The following ZNF385D variants were observed in gnomAD, a reference collection of about 807,000 sequenced individuals.
The protein encoded by ZNF385D is zinc finger protein 385D.
Under a neutral mutation model 35.8 loss-of-function variants are expected in ZNF385D, and 15 were observed. That is an observed-to-expected ratio of 0.42 (90% CI 0.28 to 0.64). ZNF385D has a LOEUF of 0.64. ZNF385D is among the 30% of genes least tolerant of loss of function. ZNF385D has a pLI of 0.23. For missense variants in ZNF385D, 474 were observed against 494.6 expected (o/e 0.96, Z 0.39); for synonymous variants, 212 against 186.8 (o/e 1.13, Z -1.10).
chr3:22,025,602 A>G (rs925874823), intron 3 of ZNF385D, among the ~76,000 whole-genome samples: 2 of 152,180 alleles, frequency 1.3e-5, no homozygotes, highest in African/African-American at 4.8e-5. Context: ...GGGAGTTTAA[A>G]AAGGTTCTAA....
chr3:21,611,504 T>G (rs1445748056), intron 2 of ZNF385D, among the ~76,000 whole-genome samples: 1 of 152,222 alleles, frequency 6.6e-6, no homozygotes, highest in Non-Finnish European at 1.5e-5. Context: ...AGTCTTAATC[T>G]TGGCTGATCT....
chr3:21,966,368 T>C (rs1365841067), intron 3 of ZNF385D, among the ~76,000 whole-genome samples: 1 of 152,196 alleles, frequency 6.6e-6, no homozygotes. Context: ...TTCACCTTCA[T>C]TTCCTACCAT....
At chr3:21,615,000 C>A (rs1188862200) in intron 2 of ZNF385D, among the ~76,000 whole-genome samples, 2 of 152,184 alleles carry the variant, frequency 1.3e-5, no homozygotes. Flanking sequence ...CATCTGCCAA[C>A]AAAACCTCCC....
intron 3 of ZNF385D, among the ~76,000 whole-genome samples, chr3:21,947,964 T>C (rs945448401): frequency 6.6e-6 from 1 of 152,176 alleles, no homozygotes; most frequent in Non-Finnish European, 1.5e-5. Context: ...AATTAGTTCT[T>C]TGTTCTGATG....
At chr3:21,689,443 T>C (rs549307753) in intron 1 of ZNF385D, among the ~76,000 whole-genome samples, 3 of 152,104 alleles carry the variant, frequency 2.0e-5, no homozygotes, top group African/African-American at 7.2e-5. Flanking sequence ...TGCAGATTGA[T>C]TGGGGGTCTT....
At chr3:22,372,657 A>G (rs1322691392) in exon 2 of ZNF385D, 2 of 234,142 alleles carry the variant, frequency 8.5e-6, no homozygotes, top group Non-Finnish European at 1.4e-5. Flanking sequence ...GCGGCGGCCA[A>G]GGAGAACGGT....
chr3:21,960,022 C>CAAAAAAAA (rs34894053), intron 3 of ZNF385D, among the ~76,000 whole-genome samples: 2 of 114,624 alleles, frequency 1.7e-5, no homozygotes, highest in Non-Finnish European at 1.8e-5. Flanking sequence ...GCACAGCCTC[C>CAAAAAAAA]AAAAAAAAAA....
intron 3 of ZNF385D, among the ~76,000 whole-genome samples, chr3:22,082,272 G>A (rs563618248): frequency 6.6e-6 from 1 of 152,060 alleles, no homozygotes; most frequent in Non-Finnish European, 1.5e-5. Flanking sequence ...GTAAGTGCAA[G>A]GGGTCAGGGA....
chr3:22,208,881 C>T (rs1697333470), intron 2 of ZNF385D, among the ~76,000 whole-genome samples: 1 of 151,778 alleles, frequency 6.6e-6, no homozygotes, highest in South Asian at 2.1e-4. Context: ...GAAAAGGCTC[C>T]TAGAAAATCA....
chr3:21,595,152 T>TA (rs1216095357), intron 2 of ZNF385D, among the ~76,000 whole-genome samples: 1 of 152,152 alleles, frequency 6.6e-6, no homozygotes, highest in African/African-American at 2.4e-5. Flanking sequence ...TTTTATCAGA[T>TA]ATCCATCAGA....
In ZNF385D at chr3:21,667,032, G is replaced by A. The variant is rs188621150; in HGVS notation, c.23-2004C>T. 6.4e-3 allele frequency among the ~76,000 whole-genome samples: 976 copies of A among 152,218 alleles called. 7 individuals are homozygous for A. The highest frequency in any genetic ancestry group is 0.023 in the African/African-American group (939 of 41,528). Reference sequence around the variant, plus strand: ...GCAGAGGTTGCAGTAAGCCGAGATCGCACCACTGTACTTCAGCCTGGGCGA... The same window carrying A: ...GCAGAGGTTGCAGTAAGCCGAGATCACACCACTGTACTTCAGCCTGGGCGA... On this transcript the variant is annotated intron_variant, in intron 1 of 7. Transcript: ENST00000281523.
chr3:22,203,814 C>A (rs185334828), intron 2 of ZNF385D, among the ~76,000 whole-genome samples: 45 of 152,090 alleles, frequency 3.0e-4, no homozygotes, highest in African/African-American at 1.0e-3. Context: ...TTAGCTCAGT[C>A]GCAGTAGAAT....
intron 3 of ZNF385D, among the ~76,000 whole-genome samples, chr3:21,939,522 C>T (rs1334632705): frequency 6.6e-6 from 1 of 152,062 alleles, no homozygotes; most frequent in Non-Finnish European, 1.5e-5. Flanking sequence ...TTATAAGTTG[C>T]ATTGTATTTT....
rs1700578997 is a variant in ZNF385D at position 21,417,518 on chromosome 3, T to C, written c.*3696A>G. The C allele has an allele frequency of 6.6e-6, 1 of 152,148 alleles. No homozygotes were observed. The allele number at this position is 152,148 out of a possible 1,614,324, so 9.4% of individuals were successfully genotyped here. A position where few individuals can be genotyped will look rare whatever the true frequency, so the allele number is the denominator to read the frequency against. ...AAACAGGCCTATATACCACTTCAGTTACCTTTTAGCTTTCTGATCTGATTT... is the reference window on the plus strand; with the variant it reads ...AAACAGGCCTATATACCACTTCAGTCACCTTTTAGCTTTCTGATCTGATTT... On this transcript the variant is annotated 3_prime_UTR_variant, in exon 8 of 8. Transcript: ENST00000281523.
At chr3:21,903,988 C>T (rs1455672756) in intron 3 of ZNF385D, among the ~76,000 whole-genome samples, 1 of 151,948 alleles carries the variant, frequency 6.6e-6, no homozygotes, top group Non-Finnish European at 1.5e-5. Flanking sequence ...GGTTTGCATC[C>T]CCATATGTGT....
chr3:21,773,326 G>C (rs1236008014), intron 3 of ZNF385D, among the ~76,000 whole-genome samples: 1 of 151,768 alleles, frequency 6.6e-6, no homozygotes, highest in Non-Finnish European at 1.5e-5. Context: ...CTTTGGAATA[G>C]GTTTCTCTTT....
At chr3:22,287,858 A>T (rs1256106783) in intron 2 of ZNF385D, among the ~76,000 whole-genome samples, 2 of 152,070 alleles carry the variant, frequency 1.3e-5, no homozygotes, top group Non-Finnish European at 2.9e-5. Context: ...AGTTTTATAC[A>T]TTCACATGTT....
At chr3:21,933,001 C>T (rs1248208045) in intron 3 of ZNF385D, among the ~76,000 whole-genome samples, 1 of 152,144 alleles carries the variant, frequency 6.6e-6, no homozygotes, top group Admixed American at 6.5e-5. Context: ...GCTGGCCAAA[C>T]TTTCCCCCAG....
chr3:21,957,399 T>A (rs1275385341), intron 3 of ZNF385D, among the ~76,000 whole-genome samples: 1 of 151,904 alleles, frequency 6.6e-6, no homozygotes, highest in Non-Finnish European at 1.5e-5. Context: ...GACAGGAAAA[T>A]ATGGGAAAGT....
Sources: allele counts gnomAD v4.1 joint callset (sites outside exome capture counted in the v4.1 genomes callset), GRCh38; gene constraint gnomAD v4.1.1; transcripts MANE v1.5; gene names NCBI Gene and HGNC (gene_info 2026-07-23, HGNC 2026-07-21).